Variants in TAF1 observed in about 807,000 individuals in gnomAD.
TAF1 encodes transcription initiation factor TFIID subunit 1.
Under a neutral mutation model 138.5 loss-of-function variants are expected in TAF1, and 2 were observed. The ratio of observed to expected loss-of-function variants is 0.01; its 90% CI spans 0.01 to 0.05. The LOEUF (loss-of-function observed/expected upper bound fraction) is 0.05. TAF1 is among the 10% of genes least tolerant of loss of function. The probability of loss-of-function intolerance (pLI) is 1.00; values close to 1 mark genes in which losing one functional copy is unlikely to be tolerated. For synonymous variants in TAF1, 437 were observed against 503.2 expected, an observed-to-expected ratio of 0.87 and a Z score of 1.76; for missense variants, 709 against 1,478.0, an observed-to-expected ratio of 0.48 and a Z score of 8.53.
At chrX:71,419,596 A>G (rs1383239776) in intron 28 of TAF1, among the ~76,000 whole-genome samples, 1 of 109,946 alleles carries the variant, frequency 9.1e-6, no homozygotes, top group East Asian at 2.8e-4. Flanking sequence ...GGAGCCGGAG[A>G]AGAGGGGTGG....
chrX:71,391,525 GA>G (rs2148362473), intron 18 of TAF1, among the ~76,000 whole-genome samples: 1 of 108,784 alleles, frequency 9.2e-6, no homozygotes, highest in East Asian at 2.8e-4. Flanking sequence ...CTCTAAAAAA[GA>G]AAAACAATTT....
intron 3 of TAF1, among the ~76,000 whole-genome samples, chrX:71,371,412 G>A (rs967299990): frequency 9.0e-6 from 1 of 111,559 alleles, no homozygotes; most frequent in Non-Finnish European, 1.9e-5. Flanking sequence ...AGTGAGGCAA[G>A]GTTTGGTGGA....
intron 32 of TAF1, among the ~76,000 whole-genome samples, chrX:71,446,456 A>G (rs781615156): frequency 8.0e-5 from 9 of 112,122 alleles, no homozygotes; most frequent in Admixed American, 1.9e-4. Context: ...TGTTCATTGA[A>G]GAAATGAAAC....
At chrX:71,463,266 C>T (rs1172307088) in intron 37 of TAF1, among the ~76,000 whole-genome samples, 1 of 108,863 alleles carries the variant, frequency 9.2e-6, no homozygotes, top group Non-Finnish European at 1.9e-5. Context: ...AACCAGTGAA[C>T]GTGCATTACT....
intron 13 of TAF1, among the ~76,000 whole-genome samples, chrX:71,474,564 T>C (rs1159302799): frequency 1.8e-5 from 2 of 111,835 alleles, no homozygotes; most frequent in African/African-American, 6.5e-5. Context: ...TCAATAAATA[T>C]AGTGTACCCA....
In TAF1 at chrX:71,454,276, T is replaced by A. The variant is rs1426768595; in HGVS notation, c.4821+39T>A. ...ATGGAGGTCCTAAGCCTGGGCAACA[T>A]AAGGAGACCCCATCTTTACAAAAAA... On this transcript the variant is annotated intron_variant, in intron 33 of 37. Coordinates refer to ENST00000423759, the MANE Select transcript of TAF1 (RefSeq NM_004606.5). 2.7e-6 allele frequency: 3 copies of A among 1,121,902 alleles called. No individual in the cohort carries two copies. The South Asian group carries it at 5.6e-5, about 21-fold the overall frequency. The allele number at this position is 1,121,902 out of a possible 1,213,427, so 92.5% of individuals were successfully genotyped here.
intron 13 of TAF1, among the ~76,000 whole-genome samples, chrX:71,510,259 C>T (rs1412377551): frequency 4.5e-5 from 5 of 110,571 alleles, no homozygotes; most frequent in Non-Finnish European, 9.5e-5. Context: ...TGCCTCAAAC[C>T]ATTGCAGAAG....
At chrX:71,408,946 G>A (rs948879757) in intron 28 of TAF1, among the ~76,000 whole-genome samples, 1 of 107,940 alleles carries the variant, frequency 9.3e-6, no homozygotes, top group South Asian at 4.1e-4. Context: ...CCCAGGAGGC[G>A]GAGCTTGTAG....
chrX:71,509,000 G>A (rs1465057120), intron 13 of TAF1, among the ~76,000 whole-genome samples: 2 of 107,785 alleles, frequency 1.9e-5, no homozygotes, highest in Admixed American at 1.0e-4. Flanking sequence ...TAGAGGTGGG[G>A]TCTCGCCATG....
At chrX:71,379,900 C>A (rs1333455182) in intron 8 of TAF1, among the ~76,000 whole-genome samples, 1 of 111,639 alleles carries the variant, frequency 9.0e-6, no homozygotes, top group Non-Finnish European at 1.9e-5. Context: ...CCACGCCTGG[C>A]CTGAAGTTAA....
intron 13 of TAF1, among the ~76,000 whole-genome samples, chrX:71,480,298 G>A (rs2039048874): frequency 9.0e-6 from 1 of 110,653 alleles, no homozygotes; most frequent in South Asian, 3.9e-4. Context: ...GGGAGGCTGA[G>A]GCAAGAGGAT....
rs984573507 is a variant in TAF1, at chrX:71,520,010, C to T, written c.1367-8532C>T. Among the ~76,000 whole-genome samples, 17 of 108,084 alleles carry T rather than the reference C, an allele frequency of 1.6e-4. No homozygotes were observed. In the East Asian group the frequency reaches 2.4e-3, roughly 15 times the overall value. The allele number at this position is 108,084 out of a possible 115,157, so 93.9% of individuals were successfully genotyped here. On this transcript the variant is annotated intron_variant and NMD_transcript_variant, in intron 13 of 14. Transcript: ENST00000373775. The stretch of plus-strand genomic sequence containing the variant: ...TGTATTTTTAGTGGAGATGGGGTTT[C>T]GCCATGTTGGTCAGGCTGGTCTTGC...
rs1335656591 is a variant in TAF1 at position 71,458,378 on chromosome X, T to C, written c.5064+12T>C. ...AGCAGGTAACACAGGTAGGATGTTC[T>C]TTTTCTCTTTATAAGATTGTTATTG... On this transcript the variant is annotated intron_variant, in intron 35 of 37. Coordinates refer to ENST00000423759, the MANE Select transcript of TAF1 (RefSeq NM_004606.5). 2 of 1,208,083 alleles carry C rather than the reference T, an allele frequency of 1.7e-6. No homozygotes were observed. The highest frequency in any genetic ancestry group is 2.2e-6 in the Non-Finnish European group (2 of 893,760).
chrX:71,392,501 T>C (rs2034621236), intron 18 of TAF1, 68 bp from the exon 19 acceptor site: 1 of 1,070,167 alleles, frequency 9.3e-7, no homozygotes, highest in South Asian at 2.7e-5. Flanking sequence ...TATTCTACTC[T>C]TGTAGATATT....
chrX:71,462,621 C>T (rs996766016), intron 37 of TAF1, among the ~76,000 whole-genome samples: 18 of 108,139 alleles, frequency 1.7e-4, no homozygotes, highest in Admixed American at 1.2e-3. Flanking sequence ...CCCTAATAAA[C>T]GCAGTAAAAC....
At chrX:71,379,182 C>T in intron 8 of TAF1, 151 bp downstream of exon 8, 1 of 551,343 alleles carries the variant, frequency 1.8e-6, no homozygotes, top group Non-Finnish European at 2.7e-6. Flanking sequence ...ATGGTGCAGT[C>T]TCGGCTCACT....
intron 37 of TAF1, 24 bp downstream of exon 37, chrX:71,460,827 G>A (rs2038519076): frequency 8.5e-7 from 1 of 1,172,231 alleles, no homozygotes; most frequent in African/African-American, 1.8e-5. Flanking sequence ...ACATGCTACA[G>A]GGCTGTGGCA....
intron 28 of TAF1, among the ~76,000 whole-genome samples, chrX:71,413,402 T>G (rs1221974390): frequency 1.8e-5 from 2 of 111,831 alleles, no homozygotes; most frequent in African/African-American, 6.5e-5. Context: ...AAAGTGGTAT[T>G]TCATTGTAAT....
intron 28 of TAF1, among the ~76,000 whole-genome samples, chrX:71,416,407 G>A (rs1398092205): frequency 9.3e-6 from 1 of 107,358 alleles, no homozygotes; most frequent in Non-Finnish European, 1.9e-5. Context: ...AAAAGAAGAA[G>A]AAACGTGGCT....
Sources: gnomAD v4.1 joint callset for allele counts (sites outside exome capture counted in the v4.1 genomes callset) on GRCh38, gnomAD v4.1.1 for gene constraint, MANE v1.5 for transcripts, NCBI Gene and HGNC (gene_info 2026-07-23, HGNC 2026-07-21) for gene names.